KANK1: variants seen among roughly 807,000 people sequenced by gnomAD.
KANK1 encodes the protein KN motif and ankyrin repeat domains 1.
A neutral mutation model predicts 106.2 loss-of-function variants in KANK1; 109 were observed. The ratio of observed to expected loss-of-function variants is 1.03; its 90% CI spans 0.88 to 1.20. The LOEUF (loss-of-function observed/expected upper bound fraction) is 1.20, where lower values mean the gene tolerates loss of function less well. Ranked by LOEUF, KANK1 falls within the 50% of genes most tolerant of loss-of-function variation. KANK1 has a pLI of 0.00. For synonymous variants in KANK1, 873 were observed against 652.2 expected, an observed-to-expected ratio of 1.34 and a Z score of -5.16; for missense variants, 2,399 against 1,710.7, an observed-to-expected ratio of 1.40 and a Z score of -7.10.
intron 1 of KANK1, among the ~76,000 whole-genome samples, chr9:545,695 A>G (rs1178614789): frequency 7.0e-6 from 1 of 142,638 alleles, no homozygotes; most frequent in Non-Finnish European, 1.5e-5. Context: ...CAGCATATGG[A>G]GATGCAGTAC....
chr9:655,845 C>T (rs186181717), intron 1 of KANK1, among the ~76,000 whole-genome samples: 224 of 152,338 alleles, frequency 1.5e-3, no homozygotes, highest in South Asian at 6.2e-3. Flanking sequence ...TACCTGCTTA[C>T]TCAGAGTTTC....
intron 2 of KANK1, chr9:684,184 G>A (rs1033641596): frequency 2.0e-6 from 2 of 985,232 alleles, no homozygotes; most frequent in South Asian, 4.7e-5. Flanking sequence ...CTTGCCCCAA[G>A]CCTTGAGCCA....
chr9:735,371 CAGCAA>C (rs1345018956), intron 7 of KANK1, among the ~76,000 whole-genome samples: 1 of 152,144 alleles, frequency 6.6e-6, no homozygotes. Context: ...TCAGAGCAAA[CAGCAA>C]AGAGTTTGTG....
chr9:560,268 A>C (rs534142716), intron 1 of KANK1, among the ~76,000 whole-genome samples: 12 of 152,354 alleles, frequency 7.9e-5, no homozygotes, highest in African/African-American at 2.9e-4. Flanking sequence ...TACATGTTTC[A>C]TTAAGTTCTT....
chr9:513,808 G>A (rs946531298), intron 1 of KANK1, among the ~76,000 whole-genome samples: 7 of 152,112 alleles, frequency 4.6e-5, no homozygotes, highest in African/African-American at 1.4e-4. Context: ...TTGAGGTCAG[G>A]AGTTCAAGAC....
chr9:645,550 A>T (rs1380243119), intron 1 of KANK1, among the ~76,000 whole-genome samples: 2 of 150,662 alleles, frequency 1.3e-5, no homozygotes, highest in Non-Finnish European at 2.9e-5. Flanking sequence ...AATGTATAAA[A>T]TTATCAATTT....
chr9:676,926 C>G lies in KANK1; in HGVS notation c.-47C>G. 6.4e-7 allele frequency: 1 copy of G among 1,553,506 alleles called. No individual in the cohort carries two copies. The highest frequency in any genetic ancestry group is 8.8e-7 in the Non-Finnish European group (1 of 1,131,112). On this transcript the variant is annotated 5_prime_UTR_variant, in exon 2 of 12. Transcript: ENST00000382297. ...TTGAGAACTTGATGCATAAAATTTG[C>G]ATGACTCCTCACTCCTTTCTGGATC...
At chr9:537,306 C>G (rs1381185771) in intron 1 of KANK1, among the ~76,000 whole-genome samples, 2 of 152,146 alleles carry the variant, frequency 1.3e-5, no homozygotes, top group Admixed American at 6.5e-5. Flanking sequence ...AGCCTCCTCT[C>G]CACTTGACAC....
At chr9:496,089 C>T (rs1173351812) in intron 3 of KANK1, among the ~76,000 whole-genome samples, 1 of 152,202 alleles carries the variant, frequency 6.6e-6, no homozygotes, top group Non-Finnish European at 1.5e-5. Flanking sequence ...CCACTTGGCA[C>T]TGTGGCTTCT....
chr9:705,702 G>A (rs990784152), intron 2 of KANK1, among the ~76,000 whole-genome samples: 2 of 151,486 alleles, frequency 1.3e-5, no homozygotes, highest in Non-Finnish European at 2.9e-5. Flanking sequence ...AGGTTCAAGC[G>A]ATTCTCCTGC....
intron 1 of KANK1, among the ~76,000 whole-genome samples, chr9:511,437 G>C (rs1000277421): frequency 3.3e-5 from 5 of 152,158 alleles, no homozygotes; most frequent in African/African-American, 7.2e-5. Flanking sequence ...GTTGCTTGCT[G>C]TGTGACCTTT....
chr9:664,893 C>T (rs7042976), intron 1 of KANK1, among the ~76,000 whole-genome samples: 127,455 of 152,010 alleles, frequency 0.84, 53,569 homozygotes, highest in East Asian at 0.97. Context: ...TATACCTCAT[C>T]GTGGTTTTGA....
chr9:523,088 A>G (rs985715121), intron 1 of KANK1, among the ~76,000 whole-genome samples: 3 of 151,500 alleles, frequency 2.0e-5, no homozygotes, highest in Non-Finnish European at 4.4e-5. Context: ...TGATATTCCA[A>G]TCATTATCAC....
rs1279505191 is a variant in KANK1 at position 497,721 on chromosome 9, C to T, written c.-362+24448C>T. 2.6e-5 allele frequency among the ~76,000 whole-genome samples: 4 copies of T among 151,998 alleles called. No homozygotes were observed. In the South Asian group the frequency reaches 8.3e-4, roughly 32 times the overall value. On this transcript the variant is annotated intron_variant, in intron 3 of 15. Coordinates refer to the KANK1 transcript ENST00000382303. ...ACAAAAAATTAGCCAGGCGTGGTGG[C>T]GTGTGCCTGTGGTCCCAGCTACTTG...
At position 581,067 on chromosome 9, in the gene KANK1, G is replaced by A. The variant is rs377095722; in HGVS notation, c.-84+76313G>A. Among the ~76,000 whole-genome samples, 59 of 152,140 alleles carry A rather than the reference G, an allele frequency of 3.9e-4. No homozygotes were observed. The East Asian group carries it at 9.1e-3, about 23-fold the overall frequency. ...GGCCGCTCCAAGTGTGGGGCCCGCC[G>A]AGCCCACACCTACCCAGAACTCCTG... is the stretch of plus-strand genomic sequence containing the variant. On this transcript the variant is annotated intron_variant, in intron 1 of 11. Coordinates refer to ENST00000382297, the MANE Select transcript of KANK1 (RefSeq NM_015158.5).
At position 648,492 on chromosome 9, in the gene KANK1, G is replaced by A. The variant is rs78828375; in HGVS notation, c.-83-28398G>A. 7.8e-3 allele frequency among the ~76,000 whole-genome samples: 1,184 copies of A among 152,168 alleles called. 22 individuals are homozygous for A. The highest frequency in any genetic ancestry group is 0.027 in the African/African-American group (1,121 of 41,478). On this transcript the variant is annotated intron_variant, in intron 1 of 11. Transcript: ENST00000382297. ...TTTTTTATGAAATTTATCCATTCAT[G>A]CAAAAGAAGTATGATAATTAAAAAT...
At chr9:689,713 C>A (rs1349740512) in intron 2 of KANK1, among the ~76,000 whole-genome samples, 1 of 150,426 alleles carries the variant, frequency 6.6e-6, no homozygotes, top group Non-Finnish European at 1.5e-5. Context: ...GGTCTCACAC[C>A]CATCCCAAGC....
chr9:680,018 C>T (rs1033567004), intron 2 of KANK1, among the ~76,000 whole-genome samples: 4 of 152,228 alleles, frequency 2.6e-5, no homozygotes, highest in Admixed American at 6.5e-5. Context: ...ATAAAGAGGG[C>T]TTCATGGCAG....
chr9:740,921 C>T lies in KANK1; in HGVS notation c.3683C>T (p.Ala1228Val). 2 of 1,614,156 alleles carry T rather than the reference C, an allele frequency of 1.2e-6. No individual in the cohort carries two copies. Among genetic ancestry groups the T allele is most frequent in the Non-Finnish European group, 1.7e-6 (2 of 1,180,038 alleles). The change falls in exon 9 of 12, where the codon GCC (alanine) becomes GTC (valine). Residue 1228 changes from alanine (A) to valine (V), a missense_variant. Transcript: ENST00000382297. ...EELFGCGDVN[A>V]KASQAGQTAL... is the part of the protein sequence containing the mutation. ...CTCTTCGGCTGTGGGGATGTGAATG[C>T]CAAAGCTAGTCAGGTTAGTGCGCCT...
Sources: gnomAD v4.1 joint callset for allele counts (sites outside exome capture counted in the v4.1 genomes callset) on GRCh38, gnomAD v4.1.1 for gene constraint, MANE v1.5 for transcripts, NCBI Gene and HGNC (gene_info 2026-07-23, HGNC 2026-07-21) for gene names.